C1S: variants seen among roughly 807,000 people sequenced by gnomAD.
C1S encodes the protein complement C1s subcomponent.
Under a neutral mutation model 54.0 loss-of-function variants are expected in C1S, and 31 were observed. The observed-to-expected ratio is 0.57, with a 90% CI of 0.43 to 0.78. The LOEUF (loss-of-function observed/expected upper bound fraction) is 0.78. C1S is among the 30% of genes least tolerant of loss of function. The pLI is 0.00. For missense variants in C1S, 727 were observed against 851.8 expected (o/e 0.85, Z 1.82); for synonymous variants, 292 against 303.6 (o/e 0.96, Z 0.40).
At chr12:7,065,539 C>CTT (rs58858630) in intron 6 of C1S, 15,913 of 518,604 alleles carry the variant, frequency 0.031, 1,239 homozygotes, top group African/African-American at 0.24. Flanking sequence ...TATTGTTATT[C>CTT]TTTTTTTTTT....
intron 6 of C1S, 125 bp from the exon 7 acceptor site, chr12:7,065,692 C>T (rs1591578301): frequency 3.5e-6 from 3 of 859,234 alleles, no homozygotes; most frequent in East Asian, 2.5e-5. Flanking sequence ...TATCTTTTCT[C>T]CTGACCCTTA....
intron 3 of C1S, 23 bp from the exon 4 acceptor site, chr12:7,062,863 ATTTT>A: frequency 2.0e-6 from 3 of 1,498,258 alleles, no homozygotes; most frequent in Non-Finnish European, 2.8e-6. Flanking sequence ...CCTTTCCTAG[ATTTT>A]TTTTTTGTGA....
chr12:7,068,530 G>A lies in C1S; in HGVS notation c.1270G>A (p.Val424Ile), dbSNP rs781959054. Reference protein sequence around the residue: ...LGPELPKCVPVCGVPREPFEE... With the variant: ...LGPELPKCVPICGVPREPFEE... ...CCCGGAGCTGCCGAAATGTGTTCCA[G>A]GTAAGGAGGGCTGAGGCTTGGGGAG... is the stretch of plus-strand genomic sequence containing the variant. Residue 424 changes from valine (V) to isoleucine (I), a missense_variant and splice_region_variant, in exon 11 of 12, where the codon GTC becomes ATC. Physicochemically the swap from Val to Ile is conservative, Grantham distance 29. Around this residue, in one of 3 missense-constraint regions of C1S, gnomAD observed 360 missense variants for 453.6 expected, o/e 0.79. Transcript: ENST00000360817. The A allele has an allele frequency of 3.7e-6, 6 of 1,610,544 alleles. No individual in the cohort carries two copies. The highest frequency in any genetic ancestry group is 4.2e-6 in the Non-Finnish European group (5 of 1,176,752).
intron 7 of C1S, 64 bp downstream of exon 7, chr12:7,066,034 A>G: frequency 7.0e-7 from 1 of 1,429,058 alleles, no homozygotes; most frequent in Non-Finnish European, 9.9e-7. Context: ...TGTGGGATCA[A>G]AGCAGGTAGA....
rs1011236124 is a variant in C1S at position 7,063,169 on chromosome 12, C to G, written c.391+102C>G. 1.0e-5 allele frequency: 12 copies of G among 1,186,154 alleles called. No homozygotes were observed. In the African/African-American group the frequency reaches 1.7e-4, roughly 16 times the overall value. 73.5% of individuals were successfully genotyped at this position (1,186,154 alleles called of 1,614,324 possible). A position where few individuals can be genotyped will look rare whatever the true frequency, so the allele number is the denominator to read the frequency against. On this transcript the variant is annotated intron_variant, in intron 4 of 11. Coordinates refer to ENST00000360817, the MANE Select transcript of C1S (RefSeq NM_001734.5). ...TTGAATGAGGATTCTGTTCGTAATT[C>G]TTATAAAAAGTGTTGACTTGGCCTG...
chr12:7,070,322 G>C lies in C1S; in HGVS notation c.1738G>C (p.Val580Leu). 6.2e-7 allele frequency: 1 copy of C among 1,614,268 alleles called. No homozygotes were observed. Residue 580 changes from valine to leucine, a missense_variant, in exon 12 of 12, where the codon GTT becomes CTT. Physicochemically the swap from Val to Leu is conservative, Grantham distance 32. Transcript: ENST00000360817. This position sits in a 1 kb window ranked among gnomAD's most constrained non-coding sequence, Gnocchi z 4.9. ...CCGAACAGAGAAGAGAGATCGTGCT[G>C]TTCGCCTCAAGGCGGCAAGGTTACC... Reference protein sequence around the residue: ...WGRTEKRDRAVRLKAARLPVA... With the variant: ...WGRTEKRDRALRLKAARLPVA...
At chr12:7,066,175 CAAAACA>C in intron 7 of C1S, 1 of 626,022 alleles carries the variant, frequency 1.6e-6, no homozygotes, top group South Asian at 1.9e-5. Flanking sequence ...GTCTCTAAAA[CAAAACA>C]AAAACAAAGC....
intron 2 of C1S, 94 bp from the exon 3 acceptor site, chr12:7,062,381 T>C (rs1194892204): frequency 1.1e-6 from 1 of 913,368 alleles, no homozygotes; most frequent in East Asian, 2.4e-5. Context: ...CTGCCTCTCT[T>C]CTTCCCCCTT....
intron 1 of C1S, chr12:7,061,194 G>A (rs1555161238): frequency 6.6e-6 from 1 of 152,364 alleles, no homozygotes; most frequent in East Asian, 1.9e-4. Context: ...ACGAATGTAG[G>A]AAGTTTTTAT....
chr12:7,066,169 C>G, intron 7 of C1S, 199 bp downstream of exon 7: 1 of 632,074 alleles, frequency 1.6e-6, no homozygotes, highest in Non-Finnish European at 2.8e-6. Context: ...AACCTTGTCT[C>G]TAAAACAAAA....
Position 7,065,275 on chromosome 12 carries a change from G to T in C1S, c.693G>T (p.Ala231=), listed in dbSNP as rs374425292. 2.3e-5 allele frequency: 37 copies of T among 1,613,726 alleles called. No homozygotes were observed. The African/African-American group carries it at 4.5e-4, about 20-fold the overall frequency. ...TTGATGTGGAAGCAGCTGACTCAGC[G>T]GGAAACTGCCTTGACAGTTTAGTTG... is the stretch of plus-strand genomic sequence containing the variant. ...EDFDVEAADS[A]GNCLDSLVFV... Residue 231 remains alanine (A), a synonymous_variant, in exon 6 of 12, where the codon GCG becomes GCT. Coordinates refer to ENST00000360817, the MANE Select transcript of C1S (RefSeq NM_001734.5).
chr12:7,066,023 A>AT, intron 7 of C1S, 53 bp downstream of exon 7: 1 of 1,507,506 alleles, frequency 6.6e-7, no homozygotes, highest in Admixed American at 1.7e-5. Flanking sequence ...TCCCCAAACA[A>AT]TGTGGGATCA....
chr12:7,061,813 A>C (rs1555161301), intron 1 of C1S, 26 bp from the exon 2 acceptor site: 4 of 1,360,274 alleles, frequency 2.9e-6, no homozygotes, highest in Non-Finnish European at 4.2e-6. Context: ...TGTCAGACAA[A>C]TACAGCCAGG....
chr12:7,068,337 T>C (rs1937731411), intron 10 of C1S, 119 bp from the exon 11 acceptor site: 1 of 772,004 alleles, frequency 1.3e-6, no homozygotes, highest in African/African-American at 1.7e-5. Flanking sequence ...GATTTACTAC[T>C]TGAATCCTAG....
chr12:7,067,492 G>T, intron 9 of C1S, 151 bp from the exon 10 acceptor site: 1 of 855,426 alleles, frequency 1.2e-6, no homozygotes. Context: ...AGTTGGGGAG[G>T]ATGGCCACAG....
intron 9 of C1S, 128 bp from the exon 10 acceptor site, chr12:7,067,515 G>A (rs1186506721): frequency 2.8e-5 from 29 of 1,022,546 alleles, no homozygotes; most frequent in South Asian, 5.1e-5. Flanking sequence ...AGGCTGGTGT[G>A]GGGAGGTTCA....
chr12:7,063,922 G>T, intron 4 of C1S: 1 of 446,684 alleles, frequency 2.2e-6, no homozygotes, highest in Non-Finnish European at 4.5e-6. Flanking sequence ...CCAGCTCCTC[G>T]GGAGGTAGAG....
At chr12:7,069,553 AG>A (rs371939609) in intron 11 of C1S, among the ~76,000 whole-genome samples, 1 of 152,308 alleles carries the variant, frequency 6.6e-6, no homozygotes, top group African/African-American at 2.4e-5. Context: ...CCCTGCCTCC[AG>A]GGGGGCTGTG....
chr12:7,063,173 TAA>T, intron 4 of C1S, 106 bp downstream of exon 4: 1 of 1,140,074 alleles, frequency 8.8e-7, no homozygotes, highest in East Asian at 2.4e-5. Flanking sequence ...GTAATTCTTA[TAA>T]AAAGTGTTGA....
Sources: allele counts gnomAD v4.1 joint callset (sites outside exome capture counted in the v4.1 genomes callset), GRCh38; gene constraint gnomAD v4.1.1; regional missense constraint gnomAD v4.1.1; non-coding constraint Gnocchi (gnomAD v3.1); transcripts MANE v1.5; gene names NCBI Gene and HGNC (gene_info 2026-07-23, HGNC 2026-07-21).